The following PIBF1 variants were observed in gnomAD, a reference collection of about 807,000 sequenced individuals.
PIBF1 encodes progesterone immunomodulatory binding factor 1.
In PIBF1, 90 loss-of-function variants were observed where a neutral mutation model predicts 112.5. That is an observed-to-expected ratio of 0.80 (90% confidence interval 0.67 to 0.95). The LOEUF (loss-of-function observed/expected upper bound fraction) is 0.95. PIBF1 is among the 40% of genes least tolerant of loss of function. The pLI is 0.00. For synonymous variants in PIBF1, 301 were observed against 288.6 expected (o/e 1.04, Z -0.44); for missense variants, 915 against 852.3 (o/e 1.07, Z -0.92).
At chr13:72,802,019 C>G (rs983246880) in intron 5 of PIBF1, among the ~76,000 whole-genome samples, 3 of 143,390 alleles carry the variant, frequency 2.1e-5, no homozygotes, top group Non-Finnish European at 4.6e-5. Context: ...AATGTTTTCT[C>G]TAGCTTTTAT....
chr13:72,804,332 G>A (rs968711564), intron 5 of PIBF1, among the ~76,000 whole-genome samples: 12 of 152,128 alleles, frequency 7.9e-5, no homozygotes, highest in African/African-American at 2.4e-4. Flanking sequence ...TAAATTTTAT[G>A]TGACATGGGA....
At chr13:72,927,014 T>G (rs770533247) in intron 13 of PIBF1, among the ~76,000 whole-genome samples, 1 of 152,172 alleles carries the variant, frequency 6.6e-6, no homozygotes, top group Non-Finnish European at 1.5e-5. Flanking sequence ...TAATTCACCC[T>G]GCTTTTCTGC....
chr13:72,904,071 A>T (rs995246302), intron 11 of PIBF1, among the ~76,000 whole-genome samples: 2 of 151,304 alleles, frequency 1.3e-5, no homozygotes, highest in Admixed American at 1.3e-4. Context: ...TTCCCAAAAG[A>T]TAATTATTTG....
chr13:72,838,851 G>A (rs1266628580), intron 9 of PIBF1, among the ~76,000 whole-genome samples: 1 of 152,116 alleles, frequency 6.6e-6, no homozygotes, highest in Non-Finnish European at 1.5e-5. Context: ...AAAGGAAATT[G>A]GGGGAATGAA....
intron 17 of PIBF1, among the ~76,000 whole-genome samples, chr13:73,009,688 T>C (rs139948928): frequency 2.0e-5 from 3 of 152,272 alleles, no homozygotes; most frequent in African/African-American, 7.2e-5. Flanking sequence ...CATATCTTAG[T>C]CCTATGGGAA....
At chr13:72,926,788 GTA>G (rs1566456054) in intron 13 of PIBF1, among the ~76,000 whole-genome samples, 1 of 152,054 alleles carries the variant, frequency 6.6e-6, no homozygotes, top group Non-Finnish European at 1.5e-5. Context: ...AGATTAGTTA[GTA>G]TAGTTTTTAT....
chr13:72,985,254 G>A (rs1391639540), intron 16 of PIBF1, among the ~76,000 whole-genome samples: 1 of 151,124 alleles, frequency 6.6e-6, no homozygotes, highest in South Asian at 2.1e-4. Flanking sequence ...CAGGCCGGGC[G>A]CAGTGGCTCA....
At chr13:72,870,840 AAAC>A (rs1228133901) in intron 10 of PIBF1, among the ~76,000 whole-genome samples, 1 of 152,092 alleles carries the variant, frequency 6.6e-6, no homozygotes, top group Non-Finnish European at 1.5e-5. Flanking sequence ...AAAAAAAAAA[AAAC>A]AGATAATTCA....
intron 14 of PIBF1, among the ~76,000 whole-genome samples, chr13:72,957,387 A>G (rs898610023): frequency 3.3e-5 from 5 of 152,234 alleles, no homozygotes; most frequent in East Asian, 1.9e-4. Flanking sequence ...GTTGGAGACC[A>G]TTATTCTAAG....
At chr13:72,813,091 G>C (rs753439512) in intron 5 of PIBF1, among the ~76,000 whole-genome samples, 5 of 152,170 alleles carry the variant, frequency 3.3e-5, no homozygotes, top group Non-Finnish European at 7.3e-5. Context: ...AGAGAAAAAT[G>C]ATGACAATAT....
At chr13:72,806,348 C>T (rs2035731664) in intron 5 of PIBF1, among the ~76,000 whole-genome samples, 1 of 151,258 alleles carries the variant, frequency 6.6e-6, no homozygotes, top group South Asian at 2.1e-4. Flanking sequence ...AGGGTTTATC[C>T]ATGTTGTAGC....
At chr13:72,927,312 G>A (rs1289221643) in intron 13 of PIBF1, among the ~76,000 whole-genome samples, 1 of 152,078 alleles carries the variant, frequency 6.6e-6, no homozygotes, top group Non-Finnish European at 1.5e-5. Flanking sequence ...GAGACCATCT[G>A]GCTAACATGG....
In PIBF1 at chr13:72,894,973, T is replaced by TA. The variant is rs771196733; in HGVS notation, c.1488+1028dup. Among the ~76,000 whole-genome samples, 181 of 151,256 alleles carry TA rather than the reference T, an allele frequency of 1.2e-3. 1 individual carries two copies. Among genetic ancestry groups the TA allele is most frequent in the Non-Finnish European group, 2.4e-3 (163 of 67,782 alleles). ...AACCTCGTCTACTACTAAAAAAATG[T>TA]AAAAGTTAGGTGTGGTGGCATGCAC... On this transcript the variant is annotated intron_variant, in intron 11 of 17. Transcript: ENST00000326291.
chr13:72,985,080 C>A (rs930920820), intron 16 of PIBF1, among the ~76,000 whole-genome samples: 4 of 152,000 alleles, frequency 2.6e-5, no homozygotes, highest in African/African-American at 9.7e-5. Flanking sequence ...TAAATGACTT[C>A]TCTTGCTATC....
chr13:72,872,638 C>T (rs1041088279), intron 10 of PIBF1, among the ~76,000 whole-genome samples: 2 of 152,006 alleles, frequency 1.3e-5, no homozygotes, highest in East Asian at 1.9e-4. Context: ...TTTTATTTCT[C>T]ATAATTGCTT....
chr13:72,822,013 T>A (rs751981029), intron 6 of PIBF1, 31 bp downstream of exon 6: 4 of 1,570,984 alleles, frequency 2.5e-6, no homozygotes, highest in Non-Finnish European at 3.5e-6. Context: ...CAGTAGTAGT[T>A]CTCTATTTTT....
At chr13:72,899,839 C>T (rs999328574) in intron 11 of PIBF1, among the ~76,000 whole-genome samples, 11 of 152,208 alleles carry the variant, frequency 7.2e-5, no homozygotes, top group African/African-American at 1.4e-4. Flanking sequence ...ACCATATGAT[C>T]GTTTACCTTG....
rs34543352 is a variant in PIBF1 at position 72,952,634 on chromosome 13, G to GT, written c.1834-12626dup. Among the ~76,000 whole-genome samples the GT allele has an allele frequency of 1.8e-3, 249 of 138,460 alleles. 1 individual carries two copies. Among genetic ancestry groups the GT allele is most frequent in the Non-Finnish European group, 2.8e-3 (178 of 64,612 alleles). The allele number at this position is 138,460 out of a possible 152,430, so 90.8% of individuals were successfully genotyped here. A position where few individuals can be genotyped will look rare whatever the true frequency, so the allele number is the denominator to read the frequency against. On this transcript the variant is annotated intron_variant, in intron 14 of 17. Coordinates refer to ENST00000326291, the MANE Select transcript of PIBF1 (RefSeq NM_006346.4). ...ACTTATTTATTTCTAATTCAACTGA[G>GT]TTTTTTTTTTTTTTAGTTTTTTTTT...
Position 72,783,485 on chromosome 13 carries a change from T to G in PIBF1, c.16T>G (p.Ser6Ala). The G allele has an allele frequency of 6.3e-7, 1 of 1,599,086 alleles. No homozygotes were observed. Among genetic ancestry groups the G allele is most frequent in the South Asian group, 1.1e-5 (1 of 88,784 alleles). ...AATAATAAAAATGTCTCGAAAAATTTCAAAGGAGTCAAAAAAAGTGAACAT... is the reference window on the plus strand; with the variant it reads ...AATAATAAAAATGTCTCGAAAAATTGCAAAGGAGTCAAAAAAAGTGAACAT... MSRKI[S>A]KESKKVNISS... The change falls in exon 2 of 18, where the codon TCA (serine) becomes GCA (alanine). Residue 6 changes from serine to alanine, a missense_variant. By Grantham distance (99) the Ser-to-Ala change is moderately conservative. Transcript: ENST00000326291.
Sources: allele counts gnomAD v4.1 joint callset (sites outside exome capture counted in the v4.1 genomes callset), GRCh38; gene constraint gnomAD v4.1.1; transcripts MANE v1.5; gene names NCBI Gene and HGNC (gene_info 2026-07-23, HGNC 2026-07-21).